PROZ: variants seen among roughly 807,000 people sequenced by gnomAD.
PROZ encodes the protein vitamin K-dependent protein Z.
A neutral mutation model predicts 34.9 loss-of-function variants in PROZ; 46 were observed. The ratio of observed to expected loss-of-function variants is 1.32; its 90% CI spans 1.04 to 1.69. The LOEUF (loss-of-function observed/expected upper bound fraction) is 1.69. PROZ is among the 40% of genes most tolerant of loss of function. The probability of loss-of-function intolerance (pLI) is 0.00; values close to 1 mark genes in which losing one functional copy is unlikely to be tolerated. For missense variants in PROZ, 530 were observed against 520.4 expected (o/e 1.02, Z -0.18); for synonymous variants, 195 against 208.5 (o/e 0.94, Z 0.56).
chr13:113,168,829 G>T (rs539988478), intron 6 of PROZ, among the ~76,000 whole-genome samples: 1 of 152,230 alleles, frequency 6.6e-6, no homozygotes, highest in East Asian at 1.9e-4. Flanking sequence ...CCTGGGTTCA[G>T]GTGATCCTCC....
At position 113,163,966 on chromosome 13, in the gene PROZ, CTT is replaced by C. The variant is rs34345554; in HGVS notation, c.374-535_374-534del. Reference sequence around the variant, plus strand: ...ATAGAAGTGTCATCACTCATGGAGTCTTTTTTTTTTTTTAATTTTTATTTTAT... The same window carrying C: ...ATAGAAGTGTCATCACTCATGGAGTCTTTTTTTTTTTAATTTTTATTTTAT... On this transcript the variant is annotated intron_variant, in intron 4 of 7. Transcript: ENST00000375547. Among the ~76,000 whole-genome samples, 954 of 145,536 alleles carry C rather than the reference CTT, an allele frequency of 6.6e-3. 9 individuals are homozygous for C. Among genetic ancestry groups the C allele is most frequent in the Middle Eastern group, 0.025 (7 of 284 alleles).
At chr13:113,170,307 G>A (rs1951955358) in intron 6 of PROZ, 106 bp from the exon 7 acceptor site, 2 of 682,840 alleles carry the variant, frequency 2.9e-6, no homozygotes, top group African/African-American at 1.8e-5. Flanking sequence ...GGCGGGGGGT[G>A]GGGGTGGGGG....
chr13:113,166,446 G>A (rs553247816), intron 6 of PROZ: 1 of 152,242 alleles, frequency 6.6e-6, no homozygotes, highest in South Asian at 2.1e-4. Flanking sequence ...AAGCCCCTGA[G>A]GTTTCTGTGT....
Position 113,171,467 on chromosome 13 carries a change from C to A in PROZ, c.692-127C>A. 8.8e-7 allele frequency: 1 copy of A among 1,139,932 alleles called. No individual in the cohort carries two copies. The highest frequency in any genetic ancestry group is 1.3e-6 in the Non-Finnish European group (1 of 787,952). 70.6% of individuals were successfully genotyped at this position (1,139,932 alleles called of 1,614,324 possible). On this transcript the variant is annotated intron_variant, in intron 7 of 7. Transcript: ENST00000375547. This position sits in a 1 kb window ranked among gnomAD's most constrained non-coding sequence, Gnocchi z 5.1. Reference sequence around the variant, plus strand: ...AAGGCACAGTGTCCACACCACGGGGCGGTGAGCCTGCGGGTCCTCCAGGGC... The same window carrying A: ...AAGGCACAGTGTCCACACCACGGGGAGGTGAGCCTGCGGGTCCTCCAGGGC...
intron 2 of PROZ, among the ~76,000 whole-genome samples, chr13:113,160,652 A>G (rs1469907305): frequency 6.6e-6 from 1 of 152,190 alleles, no homozygotes; most frequent in East Asian, 1.9e-4. Flanking sequence ...CTAGAAGGGA[A>G]GGGCCACGTT....
In PROZ at chr13:113,170,516, T is replaced by C. The variant is rs933640367; in HGVS notation, c.677T>C (p.Ile226Thr). The change falls in exon 7 of 8, where the codon ATT becomes ACT. Residue 226 changes from isoleucine to threonine, a missense_variant. Ile to Thr is a moderately conservative substitution (Grantham distance 89, BLOSUM62 -1). Transcript: ENST00000375547. ...AAATGTTCACTGTTACACAGGAATA[T>C]TACTGTAAAAACATGTAAGTATTTT... is the stretch of plus-strand genomic sequence containing the variant. ...TAKCSLLHRN[I>T]TVKTYFNRTS... is the part of the protein sequence containing the mutation. The C allele has an allele frequency of 6.3e-7, 1 of 1,578,012 alleles. No homozygotes were observed. Among genetic ancestry groups the C allele is most frequent in the Non-Finnish European group, 8.7e-7 (1 of 1,147,380 alleles).
In PROZ at chr13:113,159,314, C is replaced by A. The variant is rs1402029011; in HGVS notation, c.70+584C>A. 3 of 1,484,440 alleles carry A rather than the reference C, an allele frequency of 2.0e-6. No individual in the cohort carries two copies. Among genetic ancestry groups the A allele is most frequent in the Admixed American group, 3.9e-5 (2 of 50,874 alleles). The allele number at this position is 1,484,440 out of a possible 1,614,324, so 92.0% of individuals were successfully genotyped here. ...CGCTGGCCCCATGGTCTCCCGCTGG[C>A]CCCATGGTCTCCCACCCTGAGAGGG... On this transcript the variant is annotated intron_variant, in intron 1 of 7. Coordinates refer to ENST00000375547, the MANE Select transcript of PROZ (RefSeq NM_003891.3). This position sits in a 1 kb window ranked among gnomAD's most constrained non-coding sequence, Gnocchi z 4.6.
rs765865533 is a variant in PROZ, at chr13:113,160,001, G to A, written c.71-13G>A. Reference sequence around the variant, plus strand: ...GGTGCTCCCAGTCACCTGCCTTCTTGTCTCGTCTGTAGTATTTCTCCCGGC... The same window carrying A: ...GGTGCTCCCAGTCACCTGCCTTCTTATCTCGTCTGTAGTATTTCTCCCGGC... On this transcript the variant is annotated splice_polypyrimidine_tract_variant and intron_variant, in intron 1 of 7. Transcript: ENST00000375547. 3 of 1,613,576 alleles carry A rather than the reference G, an allele frequency of 1.9e-6. No homozygotes were observed. The highest frequency in any genetic ancestry group is 4.5e-5 in the East Asian group (2 of 44,890).
chr13:113,166,487 C>T (rs925904287), intron 6 of PROZ: 1 of 152,158 alleles, frequency 6.6e-6, no homozygotes, highest in Non-Finnish European at 1.5e-5. Flanking sequence ...CCGACTCTTA[C>T]AAGACAGCTG....
At chr13:113,165,633 C>T (rs766713872) in intron 6 of PROZ, among the ~76,000 whole-genome samples, 3 of 152,212 alleles carry the variant, frequency 2.0e-5, no homozygotes, top group African/African-American at 4.8e-5. Context: ...TGGGCACAAG[C>T]GCTTTCCCTG....
chr13:113,164,489 TC>T (rs756430715), intron 4 of PROZ, 23 bp from the exon 5 acceptor site: 33 of 1,509,428 alleles, frequency 2.2e-5, no homozygotes, highest in Non-Finnish European at 2.5e-5. Context: ...AGCTAGCATT[TC>T]CTTTTTTTTT....
At chr13:113,161,006 A>G in intron 3 of PROZ, 34 bp downstream of exon 3, 2 of 1,590,928 alleles carry the variant, frequency 1.3e-6, no homozygotes, top group Non-Finnish European at 1.7e-6. Flanking sequence ...CAGAAGTATT[A>G]ATTCCTCGGG....
chr13:113,160,369 T>A (rs2036739989), intron 2 of PROZ, among the ~76,000 whole-genome samples, 192 bp downstream of exon 2: 1 of 152,110 alleles, frequency 6.6e-6, no homozygotes, highest in Non-Finnish European at 1.5e-5. Flanking sequence ...CCTACAGCAG[T>A]GAGTGGGGCT....
chr13:113,164,373 C>A, intron 4 of PROZ, 140 bp from the exon 5 acceptor site: 1 of 942,964 alleles, frequency 1.1e-6, no homozygotes, highest in Non-Finnish European at 1.6e-6. Context: ...AGAATGAGAA[C>A]ACATGGACCA....
chr13:113,170,566 T>A, intron 7 of PROZ, 36 bp downstream of exon 7: 1 of 1,208,716 alleles, frequency 8.3e-7, no homozygotes, highest in Non-Finnish European at 1.2e-6. Context: ...TAAAACCACA[T>A]TGGAAATACA....
chr13:113,164,630 AGT>A lies in PROZ; in HGVS notation c.497_498del (p.Val166AlafsTer13). The A allele has an allele frequency of 1.2e-6, 2 of 1,613,796 alleles. No individual in the cohort carries two copies. Among genetic ancestry groups the A allele is most frequent in the Non-Finnish European group, 1.7e-6 (2 of 1,179,998 alleles). On this transcript the variant is annotated frameshift_variant, in exon 5 of 8. Coordinates refer to ENST00000375547, the MANE Select transcript of PROZ (RefSeq NM_003891.3). LOFTEE classifies it high-confidence loss of function. ...TACAGGCTTGGTGAGGACCACAAACAGTGTGTGCCCCACGGTGAGTGCTCAGA... is the reference window on the plus strand; with the variant it reads ...TACAGGCTTGGTGAGGACCACAAACAGTGTGCCCCACGGTGAGTGCTCAGA...
Position 113,170,435 on chromosome 13 carries a change from GAA to G in PROZ, c.599_600del (p.Lys200ArgfsTer33), listed in dbSNP as rs1174694537. 1 of 1,605,946 alleles carries G rather than the reference GAA, an allele frequency of 6.2e-7. No individual in the cohort carries two copies. Among genetic ancestry groups the G allele is most frequent in the Admixed American group, 1.7e-5 (1 of 59,982 alleles). On this transcript the variant is annotated frameshift_variant, in exon 7 of 8. Coordinates refer to ENST00000375547, the MANE Select transcript of PROZ (RefSeq NM_003891.3). LOFTEE classifies it high-confidence loss of function. ...AAGGTAAAGTTAACAAATTCCGAAG[GAA>G]AAGACTTCTGTGGTGGTGTTATAAT...
In PROZ at chr13:113,160,191, C is replaced by T; in HGVS notation, c.234+14C>T. On this transcript the variant is annotated intron_variant, in intron 2 of 7. Coordinates refer to ENST00000375547, the MANE Select transcript of PROZ (RefSeq NM_003891.3). ...GAAGTAGTCACTGTATGTACCCCCA[C>T]CACAAACCACAGGCCTCCTCATTAT... The T allele has an allele frequency of 1.2e-6, 2 of 1,613,386 alleles. No homozygotes were observed. The highest frequency in any genetic ancestry group is 1.3e-5 in the African/African-American group (1 of 75,054).
Position 113,159,062 on chromosome 13 carries a change from G to T in PROZ, c.70+332G>T. 1.4e-6 allele frequency: 1 copy of T among 709,538 alleles called. No homozygotes were observed. The highest frequency in any genetic ancestry group is 2.7e-5 in the East Asian group (1 of 36,862). 44.0% of individuals were successfully genotyped at this position (709,538 alleles called of 1,614,324 possible). On this transcript the variant is annotated intron_variant, in intron 1 of 7. Transcript: ENST00000375547. This position sits in a 1 kb window ranked among gnomAD's most constrained non-coding sequence, Gnocchi z 4.6. Reference sequence around the variant, plus strand: ...GGTTGGGCATTGGACGAGGGGAGGGGGTGGGGCAGGCTGAGCCCAGACTGC... The same window carrying T: ...GGTTGGGCATTGGACGAGGGGAGGGTGTGGGGCAGGCTGAGCCCAGACTGC...
Sources: gnomAD v4.1 joint callset for allele counts (sites outside exome capture counted in the v4.1 genomes callset) on GRCh38, gnomAD v4.1.1 for gene constraint, Gnocchi (gnomAD v3.1) non-coding constraint, MANE v1.5 for transcripts, NCBI Gene and HGNC (gene_info 2026-07-23, HGNC 2026-07-21) for gene names.